KCNQ1: variants seen among roughly 807,000 people sequenced by gnomAD.
KCNQ1 encodes potassium voltage-gated channel subfamily Q member 1.
Under a neutral mutation model 72.4 loss-of-function variants are expected in KCNQ1, and 49 were observed. The observed-to-expected ratio is 0.68, with a 90% CI of 0.54 to 0.86. KCNQ1 has a LOEUF of 0.86. Ranked by LOEUF, KCNQ1 falls within the 40% of genes least tolerant of loss-of-function variation. The pLI is 0.00. For synonymous variants in KCNQ1, 450 were observed against 412.6 expected (o/e 1.09, Z -1.10); for missense variants, 790 against 945.1 (o/e 0.84, Z 2.15).
At position 2,819,065 on chromosome 11, in the gene KCNQ1, C is replaced by A. The variant is rs1173885429; in HGVS notation, c.1795-28702C>A. On this transcript the variant is annotated intron_variant, in intron 15 of 15. Coordinates refer to ENST00000155840, the MANE Select transcript of KCNQ1 (RefSeq NM_000218.3). Reference sequence around the variant, plus strand: ...GGACATTCTCCAGGGAGATTCTGCCCTACAGGATTAGGGAGTACCCTCACC... The same window carrying A: ...GGACATTCTCCAGGGAGATTCTGCCATACAGGATTAGGGAGTACCCTCACC... 2.0e-5 allele frequency among the ~76,000 whole-genome samples: 3 copies of A among 152,220 alleles called. No homozygotes were observed. In the East Asian group the frequency reaches 5.8e-4, roughly 29 times the overall value.
Position 2,696,276 on chromosome 11 carries a change from C to G in KCNQ1, c.1514+34195C>G, listed in dbSNP as rs950667786. On this transcript the variant is annotated intron_variant, in intron 11 of 15. Coordinates refer to ENST00000155840, the MANE Select transcript of KCNQ1 (RefSeq NM_000218.3). ...TTCAAATATTTAGTCCATTTGGAGTCTACTTTTCCTAGGGGCTCAGTTAGG... is the reference window on the plus strand; with the variant it reads ...TTCAAATATTTAGTCCATTTGGAGTGTACTTTTCCTAGGGGCTCAGTTAGG... 2.8e-5 allele frequency: 11 copies of G among 398,508 alleles called. No homozygotes were observed. In the Admixed American group the frequency reaches 4.4e-4, roughly 16 times the overall value. The allele number at this position is 398,508 out of a possible 1,614,324, so 24.7% of individuals were successfully genotyped here.
At position 2,458,252 on chromosome 11, in the gene KCNQ1, A is replaced by G. The variant is rs1846224293; in HGVS notation, c.386+12768A>G. Among the ~76,000 whole-genome samples the G allele has an allele frequency of 6.6e-6, 1 of 152,190 alleles. No individual in the cohort carries two copies. Among genetic ancestry groups the G allele is most frequent in the Non-Finnish European group, 1.5e-5 (1 of 68,042 alleles). Reference sequence around the variant, plus strand: ...TGGATGAGCTGCATTGATGGGGTTCAGATCCCAAGTTCATCCTGATACTGA... The same window carrying G: ...TGGATGAGCTGCATTGATGGGGTTCGGATCCCAAGTTCATCCTGATACTGA... On this transcript the variant is annotated intron_variant, in intron 1 of 15. Transcript: ENST00000155840. The surrounding 1 kb of genome is among the most constrained non-coding windows in gnomAD (Gnocchi z 4.6).
intron 11 of KCNQ1, among the ~76,000 whole-genome samples, chr11:2,755,400 G>A (rs1846283305): frequency 6.6e-6 from 1 of 152,110 alleles, no homozygotes; most frequent in African/African-American, 2.4e-5. Flanking sequence ...ACACGCACGT[G>A]CCACCGCGCC....
rs1212750581 is a variant in KCNQ1, at chr11:2,627,453, T to C, written c.1394-34508T>C. On this transcript the variant is annotated intron_variant, in intron 10 of 15. Coordinates refer to ENST00000155840, the MANE Select transcript of KCNQ1 (RefSeq NM_000218.3). This position sits in a 1 kb window ranked among gnomAD's most constrained non-coding sequence, Gnocchi z 4.9. The stretch of plus-strand genomic sequence containing the variant: ...TGTTTGTACCCTTCAACATTTCCTA[T>C]TTCCCCTACTCCCTGACCCCTAGTA... 1 of 398,416 alleles carries C rather than the reference T, an allele frequency of 2.5e-6. No individual in the cohort carries two copies. Among genetic ancestry groups the C allele is most frequent in the Non-Finnish European group, 4.4e-6 (1 of 226,044 alleles). The allele number at this position is 398,416 out of a possible 1,614,324, so 24.7% of individuals were successfully genotyped here.
intron 15 of KCNQ1, among the ~76,000 whole-genome samples, chr11:2,804,168 C>T (rs1847330217): frequency 6.6e-6 from 1 of 152,258 alleles, no homozygotes; most frequent in Middle Eastern, 3.4e-3. Context: ...TTCACAGGGC[C>T]AGAAACAACT....
At position 2,567,896 on chromosome 11, in the gene KCNQ1, G is replaced by A. The variant is rs891655708; in HGVS notation, c.478-2732G>A. 6.6e-6 allele frequency among the ~76,000 whole-genome samples: 1 copy of A among 152,144 alleles called. No homozygotes were observed. The highest frequency in any genetic ancestry group is 1.5e-5 in the Non-Finnish European group (1 of 68,038). ...CTTAATAGTTACTTATCTATTTCAGGGTATAACATAAGACACACCTATCAT... is the reference window on the plus strand; with the variant it reads ...CTTAATAGTTACTTATCTATTTCAGAGTATAACATAAGACACACCTATCAT... On this transcript the variant is annotated intron_variant, in intron 2 of 15. Transcript: ENST00000155840. The surrounding 1 kb of genome is among the most constrained non-coding windows in gnomAD (Gnocchi z 6.6).
rs775119682 is a variant in KCNQ1 at position 2,827,868 on chromosome 11, CTTTG to C, written c.1795-19894_1795-19891del. ...AGGGGCGGGCAGAAGGCAGCGAGAGCTTTGTTTGGGGTGTGTCGAATTCAAGATG... is the reference window on the plus strand; with the variant it reads ...AGGGGCGGGCAGAAGGCAGCGAGAGCTTTGGGGTGTGTCGAATTCAAGATG... On this transcript the variant is annotated intron_variant, in intron 15 of 15. Coordinates refer to ENST00000155840, the MANE Select transcript of KCNQ1 (RefSeq NM_000218.3). The surrounding 1 kb of genome is among the most constrained non-coding windows in gnomAD (Gnocchi z 6.7). Among the ~76,000 whole-genome samples the C allele has an allele frequency of 1.5e-4, 23 of 152,122 alleles. No individual in the cohort carries two copies. Among genetic ancestry groups the C allele is most frequent in the Non-Finnish European group, 2.8e-4 (19 of 68,024 alleles).
In KCNQ1 at chr11:2,590,371, C is replaced by T. The variant is rs1006738787; in HGVS notation, c.1393+1517C>T. On this transcript the variant is annotated intron_variant, in intron 10 of 15. Coordinates refer to ENST00000155840, the MANE Select transcript of KCNQ1 (RefSeq NM_000218.3). ...CTGCACTGCAGCACCAATGCAGAGG[C>T]CCTGGCAAATGTTCGCAGAAGCCCC... Among the ~76,000 whole-genome samples, 5 of 152,352 alleles carry T rather than the reference C, an allele frequency of 3.3e-5. No homozygotes were observed. The East Asian group carries it at 9.6e-4, about 29-fold the overall frequency.
At chr11:2,619,318 A>T (rs1849124760) in intron 10 of KCNQ1, 1 of 398,518 alleles carries the variant, frequency 2.5e-6, no homozygotes, top group South Asian at 1.3e-4. Flanking sequence ...GGCTTTTCAT[A>T]AATGGCATTC....
At chr11:2,839,735 C>T (rs997163320) in intron 15 of KCNQ1, 5 of 151,684 alleles carry the variant, frequency 3.3e-5, no homozygotes, top group Non-Finnish European at 5.9e-5. Flanking sequence ...AAGAGGCCTT[C>T]TCCGGGTTCT....
At chr11:2,619,936 TGAG>T in intron 10 of KCNQ1, 1 of 385,224 alleles carries the variant, frequency 2.6e-6, no homozygotes, top group Non-Finnish European at 4.5e-6. Context: ...TGCATGATGA[TGAG>T]GTTTGGAGTG....
At chr11:2,778,433 T>A (rs1273590996) in intron 15 of KCNQ1, among the ~76,000 whole-genome samples, 1 of 152,192 alleles carries the variant, frequency 6.6e-6, no homozygotes, top group Non-Finnish European at 1.5e-5. Flanking sequence ...TGGGCCCAGC[T>A]GTCTGGGGCC....
chr11:2,717,772 G>T (rs1851118255), intron 11 of KCNQ1, among the ~76,000 whole-genome samples: 1 of 152,212 alleles, frequency 6.6e-6, no homozygotes, highest in African/African-American at 2.4e-5. Context: ...TAGAGAGCGG[G>T]TAGACAGGAA....
In KCNQ1 at chr11:2,674,063, C is replaced by T. The variant is rs1850240819; in HGVS notation, c.1514+11982C>T. On this transcript the variant is annotated intron_variant, in intron 11 of 15. Coordinates refer to ENST00000155840, the MANE Select transcript of KCNQ1 (RefSeq NM_000218.3). The surrounding 1 kb of genome is among the most constrained non-coding windows in gnomAD (Gnocchi z 5.9). ...CCCCTCATTTGTACTTGCTGGCTGC[C>T]CCATGGGGGCTTGGGCTAGGTCTCC... The T allele has an allele frequency of 1.0e-5, 4 of 398,450 alleles. No individual in the cohort carries two copies. Among genetic ancestry groups the T allele is most frequent in the East Asian group, 3.6e-5 (1 of 28,048 alleles). The allele number at this position is 398,450 out of a possible 1,614,324, so 24.7% of individuals were successfully genotyped here.
chr11:2,822,370 T>G lies in KCNQ1; in HGVS notation c.1795-25397T>G, dbSNP rs115635721. ...GCCCTGGGGTATAGTGTGGATAAGA[T>G]GGACTGGACCCTACCCTCCTAGGGA... On this transcript the variant is annotated intron_variant, in intron 15 of 15. Coordinates refer to ENST00000155840, the MANE Select transcript of KCNQ1 (RefSeq NM_000218.3). Among the ~76,000 whole-genome samples the G allele has an allele frequency of 6.4e-3, 973 of 152,182 alleles. 12 individuals are homozygous for G. Among genetic ancestry groups the G allele is most frequent in the African/African-American group, 0.022 (906 of 41,518 alleles).
In KCNQ1 at chr11:2,471,193, G is replaced by A. The variant is rs903065306; in HGVS notation, c.386+25709G>A. ...CTCGGCTGCAATCATCCTGCAGCCAGACTCGGGGACCTAGGACTCTGAACC... is the reference window on the plus strand; with the variant it reads ...CTCGGCTGCAATCATCCTGCAGCCAAACTCGGGGACCTAGGACTCTGAACC... On this transcript the variant is annotated intron_variant, in intron 1 of 15. Coordinates refer to ENST00000155840, the MANE Select transcript of KCNQ1 (RefSeq NM_000218.3). This position sits in a 1 kb window ranked among gnomAD's most constrained non-coding sequence, Gnocchi z 4.8. 2.0e-5 allele frequency among the ~76,000 whole-genome samples: 3 copies of A among 152,142 alleles called. No individual in the cohort carries two copies. The highest frequency in any genetic ancestry group is 7.2e-5 in the African/African-American group (3 of 41,424).
intron 6 of KCNQ1, among the ~76,000 whole-genome samples, chr11:2,582,572 G>C (rs1848516476): frequency 6.6e-6 from 1 of 152,224 alleles, no homozygotes; most frequent in Non-Finnish European, 1.5e-5. Context: ...GTGGTGCCCA[G>C]AGCAGGGCTG....
chr11:2,693,984 C>G (rs1850631870), intron 11 of KCNQ1: 1 of 398,716 alleles, frequency 2.5e-6, no homozygotes, highest in East Asian at 3.6e-5. Context: ...GTGAGCAGGC[C>G]CAGCCCGGCC....
At position 2,699,690 on chromosome 11, in the gene KCNQ1, GGTGCCCCGA is replaced by G. The variant is rs1564862642; in HGVS notation, c.1514+37611_1514+37619del. 300 of 351,666 alleles carry G rather than the reference GGTGCCCCGA, an allele frequency of 8.5e-4. 2 individuals carry two copies. Among genetic ancestry groups the G allele is most frequent in the Middle Eastern group, 3.0e-3 (4 of 1,326 alleles). 21.8% of individuals were successfully genotyped at this position (351,666 alleles called of 1,614,324 possible). ...GGGAGAACCGCGCCGAAAAGCCCCG[GGTGCCCCGA>G]GGAGAACGGCGCCGAGGAGTCCCCG... On this transcript the variant is annotated intron_variant, in intron 11 of 15. Transcript: ENST00000155840.
Sources: allele counts gnomAD v4.1 joint callset (sites outside exome capture counted in the v4.1 genomes callset), GRCh38; gene constraint gnomAD v4.1.1; non-coding constraint Gnocchi (gnomAD v3.1); transcripts MANE v1.5; gene names NCBI Gene and HGNC (gene_info 2026-07-23, HGNC 2026-07-21).